Variants in RBFOX1 observed in about 807,000 individuals in gnomAD.
The protein encoded by RBFOX1 is RNA binding fox-1 homolog 1, also known as RNA binding protein fox-1 homolog 1.
In RBFOX1, 8 loss-of-function variants were observed where a neutral mutation model predicts 57.7. That is an observed-to-expected ratio of 0.14 (90% CI 0.08 to 0.25). RBFOX1 has a LOEUF of 0.25. RBFOX1 is among the 10% of genes least tolerant of loss of function. The pLI is 1.00. For synonymous variants in RBFOX1, 326 were observed against 222.4 expected (o/e 1.47, Z -4.15); for missense variants, 611 against 548.5 (o/e 1.11, Z -1.14).
At chr16:7,052,190 A>C in intron 4 of RBFOX1, 92 bp downstream of exon 4, 1 of 1,510,550 alleles carries the variant, frequency 6.6e-7, no homozygotes, top group Non-Finnish European at 8.8e-7. Flanking sequence ...CGGGTTCTAA[A>C]TAACAGGCTT....
rs1040290783 is a variant in RBFOX1 at position 6,428,749 on chromosome 16, A to G, written c.-64+111692A>G. Among the ~76,000 whole-genome samples the G allele has an allele frequency of 2.6e-5, 4 of 152,220 alleles. No homozygotes were observed. The South Asian group carries it at 6.2e-4, about 24-fold the overall frequency. On this transcript the variant is annotated intron_variant, in intron 2 of 15. Transcript: ENST00000550418. ...GTAAACAAAATATACATGCTCATCT[A>G]TATAGTTCTTTGATATAATCATTTT...
chr16:5,257,725 C>G, intron 1 of RBFOX1, among the ~76,000 whole-genome samples: 1 of 152,146 alleles, frequency 6.6e-6, no homozygotes, highest in Non-Finnish European at 1.5e-5. Context: ...GGGAGAGTCC[C>G]CAGTGTCAGC....
At chr16:6,211,895 G>A (rs2097300949) in intron 1 of RBFOX1, among the ~76,000 whole-genome samples, 1 of 151,154 alleles carries the variant, frequency 6.6e-6, no homozygotes, top group South Asian at 2.1e-4. Context: ...TGTCACTCAG[G>A]CTGGAGTGAA....
intron 4 of RBFOX1, among the ~76,000 whole-genome samples, chr16:7,368,937 T>C (rs2097518047): frequency 6.6e-6 from 1 of 152,094 alleles, no homozygotes; most frequent in Admixed American, 6.5e-5. Flanking sequence ...TTTTGTGGAA[T>C]GAGAAGGGAG....
chr16:6,489,180 T>C (rs1446984056), intron 2 of RBFOX1, among the ~76,000 whole-genome samples: 1 of 152,164 alleles, frequency 6.6e-6, no homozygotes, highest in Non-Finnish European at 1.5e-5. Flanking sequence ...TTGGTACTCT[T>C]GTCACTAGAA....
chr16:6,857,366 T>G (rs1226883547), intron 3 of RBFOX1, among the ~76,000 whole-genome samples: 1 of 152,322 alleles, frequency 6.6e-6, no homozygotes, highest in Non-Finnish European at 1.5e-5. Context: ...CTCACGTTAT[T>G]CTTAGTGAAT....
intron 3 of RBFOX1, among the ~76,000 whole-genome samples, chr16:6,934,647 A>C (rs1443851365): frequency 1.3e-5 from 2 of 152,212 alleles, no homozygotes; most frequent in African/African-American, 4.8e-5. Context: ...AAGCACAGAA[A>C]GACAAGTACC....
At chr16:5,529,389 CTTTT>C (rs56820577) in intron 2 of RBFOX1, among the ~76,000 whole-genome samples, 54,427 of 130,652 alleles carry the variant, frequency 0.42, 12,453 homozygotes, top group East Asian at 0.85. Context: ...TGGCCAGTGT[CTTTT>C]TTTTTTTTTT....
intron 3 of RBFOX1, among the ~76,000 whole-genome samples, chr16:6,780,357 A>ATATATATTTT (rs2080669495): frequency 2.0e-5 from 2 of 100,148 alleles, no homozygotes; most frequent in Non-Finnish European, 1.7e-5. Flanking sequence ...ATACATATTT[A>ATATATATTTT]TATACATATT....
chr16:6,398,880 G>A (rs570235215), intron 2 of RBFOX1, among the ~76,000 whole-genome samples: 4 of 152,220 alleles, frequency 2.6e-5, no homozygotes, highest in Admixed American at 2.6e-4. Context: ...GCTCCAGTGG[G>A]ACTCTGTCTG....
intron 4 of RBFOX1, among the ~76,000 whole-genome samples, chr16:5,942,397 G>C (rs764300361): frequency 6.6e-6 from 1 of 152,166 alleles, no homozygotes; most frequent in East Asian, 1.9e-4. Context: ...CATGAGTCAC[G>C]GGTCTGAGTG....
intron 3 of RBFOX1, among the ~76,000 whole-genome samples, chr16:5,692,165 CTGTGTGTGTGTGTGTGTG>C (rs199585814): frequency 3.5e-4 from 8 of 22,902 alleles, no homozygotes; most frequent in African/African-American, 4.3e-4. Context: ...TAGGGACTGA[CTGTGTGTGTGTGTGTGTG>C]TGTGTGTGTG....
intron 4 of RBFOX1, among the ~76,000 whole-genome samples, chr16:7,301,668 T>G (rs982053860): frequency 3.3e-5 from 5 of 152,206 alleles, no homozygotes; most frequent in African/African-American, 7.2e-5. Flanking sequence ...GTATCATGTT[T>G]CTTATGAAAA....
At chr16:7,273,643 A>T (rs1280227787) in intron 4 of RBFOX1, among the ~76,000 whole-genome samples, 1 of 152,190 alleles carries the variant, frequency 6.6e-6, no homozygotes, top group Non-Finnish European at 1.5e-5. Context: ...AAAATGTAAG[A>T]GAAACTGCCT....
chr16:6,803,443 A>G (rs1240683816), intron 3 of RBFOX1, among the ~76,000 whole-genome samples: 3 of 152,200 alleles, frequency 2.0e-5, no homozygotes, highest in African/African-American at 7.2e-5. Context: ...TGGCCTTGGA[A>G]AAACAAACAT....
intron 1 of RBFOX1, among the ~76,000 whole-genome samples, chr16:6,033,770 T>C (rs1183640530): frequency 2.0e-5 from 3 of 152,228 alleles, no homozygotes; most frequent in Non-Finnish European, 4.4e-5. Flanking sequence ...TTCCCACACA[T>C]GTCTGTAGGA....
chr16:6,768,305 T>A (rs145579088), intron 3 of RBFOX1, among the ~76,000 whole-genome samples: 72 of 152,208 alleles, frequency 4.7e-4, no homozygotes, highest in African/African-American at 1.7e-3. Flanking sequence ...TTGTAATTTA[T>A]ATGACAATAA....
chr16:6,990,540 T>G (rs1172626662), intron 3 of RBFOX1, among the ~76,000 whole-genome samples: 1 of 151,876 alleles, frequency 6.6e-6, no homozygotes, highest in Non-Finnish European at 1.5e-5. Context: ...AAATAAAAAT[T>G]CTGTTAGTAT....
intron 2 of RBFOX1, among the ~76,000 whole-genome samples, chr16:6,585,934 T>A (rs1231625042): frequency 2.6e-5 from 4 of 152,204 alleles, no homozygotes; most frequent in Non-Finnish European, 4.4e-5. Context: ...CTGTATTAAT[T>A]AAAGTGTGTC....
Sources: gnomAD v4.1 joint callset for allele counts (sites outside exome capture counted in the v4.1 genomes callset) on GRCh38, gnomAD v4.1.1 for gene constraint, MANE v1.5 for transcripts, NCBI Gene and HGNC (gene_info 2026-07-23, HGNC 2026-07-21) for gene names.